Variants in HRG observed in about 807,000 individuals in gnomAD.
The protein encoded by HRG is histidine-rich glycoprotein.
Under a neutral mutation model 29.5 loss-of-function variants are expected in HRG, and 26 were observed. That is an observed-to-expected ratio of 0.88 (90% CI 0.65 to 1.22). HRG has a LOEUF of 1.22. Ranked by LOEUF, HRG falls within the 50% of genes most tolerant of loss-of-function variation. The pLI is 0.00. For missense variants in HRG, 671 were observed against 654.5 expected (o/e 1.03, Z -0.28); for synonymous variants, 243 against 240.4 (o/e 1.01, Z -0.10).
In HRG at chr3:186,671,619, C is replaced by T; in HGVS notation, c.392-4C>T. ...ACTGTGACACTGCTATCTTCTTTCT[C>T]CAGTCTCTTCAGCACTGGCCAATAC... On this transcript the variant is annotated splice_polypyrimidine_tract_variant and splice_region_variant and intron_variant, in intron 3 of 6. Transcript: ENST00000232003. The T allele has an allele frequency of 6.2e-7, 1 of 1,613,734 alleles. No individual in the cohort carries two copies. Among genetic ancestry groups the T allele is most frequent in the Non-Finnish European group, 8.5e-7 (1 of 1,179,646 alleles).
intron 6 of HRG, 43 bp from the exon 7 acceptor site, chr3:186,677,004 T>G (rs1403998613): frequency 6.2e-7 from 1 of 1,611,568 alleles, no homozygotes; most frequent in South Asian, 1.1e-5. Context: ...ACATCTTCTT[T>G]TATGTTACAT....
In HRG at chr3:186,678,100, T is replaced by A. The variant is rs1209709918; in HGVS notation, c.*217T>A. On this transcript the variant is annotated 3_prime_UTR_variant, in exon 7 of 7. Transcript: ENST00000232003. Reference sequence around the variant, plus strand: ...GCCTATTAGTAGTTAATTCTGTCACTCACCACTACATCACTTGAGACAAAT... The same window carrying A: ...GCCTATTAGTAGTTAATTCTGTCACACACCACTACATCACTTGAGACAAAT... 1 of 542,524 alleles carries A rather than the reference T, an allele frequency of 1.8e-6. No homozygotes were observed. Among genetic ancestry groups the A allele is most frequent in the Non-Finnish European group, 3.3e-6 (1 of 303,396 alleles). The allele number at this position is 542,524 out of a possible 1,614,324, so 33.6% of individuals were successfully genotyped here.
At chr3:186,670,049 G>T (rs1019269933) in intron 3 of HRG, 21 bp downstream of exon 3, 3 of 1,225,462 alleles carry the variant, frequency 2.4e-6, no homozygotes, top group Non-Finnish European at 3.6e-6. Flanking sequence ...CTGTTAAATT[G>T]CTAATTAATT....
chr3:186,676,280 A>G (rs946828358), intron 6 of HRG, among the ~76,000 whole-genome samples: 1 of 152,134 alleles, frequency 6.6e-6, no homozygotes, highest in Non-Finnish European at 1.5e-5. Flanking sequence ...TCAGTTAAGA[A>G]TATCAGTTAT....
chr3:186,667,731 G>A (rs1253466133), intron 1 of HRG, among the ~76,000 whole-genome samples: 2 of 152,040 alleles, frequency 1.3e-5, no homozygotes, highest in Admixed American at 6.6e-5. Flanking sequence ...AGGGTGTTAG[G>A]GAGCCATTGA....
At chr3:186,676,794 C>G (rs1399614195) in intron 6 of HRG, among the ~76,000 whole-genome samples, 1 of 151,572 alleles carries the variant, frequency 6.6e-6, no homozygotes, top group African/African-American at 2.4e-5. Context: ...GACTGGGTGA[C>G]AGAGCGAGAC....
chr3:186,672,337 A>C (rs114932239), intron 4 of HRG, among the ~76,000 whole-genome samples: 1 of 152,228 alleles, frequency 6.6e-6, no homozygotes, highest in Non-Finnish European at 1.5e-5. Context: ...TGCTCAAAGA[A>C]TGTTTGGACC....
rs550059701 is a variant in HRG at position 186,668,515 on chromosome 3, G to C, written c.184-420G>C. 11 of 200,738 alleles carry C rather than the reference G, an allele frequency of 5.5e-5. No homozygotes were observed. In the East Asian group the frequency reaches 1.2e-3, roughly 22 times the overall value. The allele number at this position is 200,738 out of a possible 1,614,324, so 12.4% of individuals were successfully genotyped here. A position where few individuals can be genotyped will look rare whatever the true frequency, so the allele number is the denominator to read the frequency against. On this transcript the variant is annotated intron_variant, in intron 1 of 6. Transcript: ENST00000232003. ...GGCAGCTAGTTTGTAAGAGAAGAGA[G>C]AGGATTTAGCTTTGGGCAAAGCAAC...
Position 186,675,163 on chromosome 3 carries a change from C to G in HRG, c.714C>G (p.Val238=), listed in dbSNP as rs775763558. 1 of 1,613,614 alleles carries G rather than the reference C, an allele frequency of 6.2e-7. No homozygotes were observed. Among genetic ancestry groups the G allele is most frequent in the Non-Finnish European group, 8.5e-7 (1 of 1,179,570 alleles). Residue 238 remains valine, a synonymous_variant, in exon 6 of 7, where the codon GTC becomes GTG. Coordinates refer to ENST00000232003, the MANE Select transcript of HRG (RefSeq NM_000412.5). ...ALDLESPKNL[V]INCEVFDPQE... is the part of the protein sequence containing the mutation. Reference sequence around the variant, plus strand: ...ACTTGGAAAGCCCGAAAAACCTTGTCATAAACTGTGAAGTCTTCGACCCTC... The same window carrying G: ...ACTTGGAAAGCCCGAAAAACCTTGTGATAAACTGTGAAGTCTTCGACCCTC...
intron 6 of HRG, among the ~76,000 whole-genome samples, chr3:186,676,664 T>A (rs1579081605): frequency 6.7e-6 from 1 of 149,904 alleles, no homozygotes; most frequent in East Asian, 2.0e-4. Flanking sequence ...AAAAAAAAAA[T>A]TAGGTGGGCA....
At position 186,677,419 on chromosome 3, in the gene HRG, C is replaced by T; in HGVS notation, c.1114C>T (p.His372Tyr). 1 of 1,605,552 alleles carries T rather than the reference C, an allele frequency of 6.2e-7. No homozygotes were observed. Among genetic ancestry groups the T allele is most frequent in the Non-Finnish European group, 8.5e-7 (1 of 1,175,760 alleles). Residue 372 changes from histidine (H) to tyrosine (Y), a missense_variant, in exon 7 of 7, where the codon CAT becomes TAT. Coordinates refer to ENST00000232003, the MANE Select transcript of HRG (RefSeq NM_000412.5). ...ACACCATCCCCATGCACACCATCCT[C>T]ATGAACATGATACCCATAGACAGCA... Reference protein sequence around the residue: ...HGHHPHAHHPHEHDTHRQHPH... With the variant: ...HGHHPHAHHPYEHDTHRQHPH...
chr3:186,670,641 G>A (rs1025296784), intron 3 of HRG, among the ~76,000 whole-genome samples: 11 of 151,282 alleles, frequency 7.3e-5, no homozygotes, highest in African/African-American at 2.2e-4. Context: ...TCCACCTCCC[G>A]GGTTCAAGCA....
intron 5 of HRG, 136 bp downstream of exon 5, chr3:186,673,003 A>C: frequency 1.4e-6 from 1 of 716,328 alleles, no homozygotes; most frequent in East Asian, 2.7e-5. Flanking sequence ...GAGGAGGAGG[A>C]GAAGGAGGAA....
chr3:186,666,419 G>A (rs996826255), intron 1 of HRG, among the ~76,000 whole-genome samples: 1 of 152,106 alleles, frequency 6.6e-6, no homozygotes, highest in Non-Finnish European at 1.5e-5. Flanking sequence ...TCGATTTGTG[G>A]GTACATATAA....
At chr3:186,674,123 T>C (rs1045955621) in intron 5 of HRG, 3 of 152,100 alleles carry the variant, frequency 2.0e-5, no homozygotes, top group Non-Finnish European at 4.4e-5. Flanking sequence ...CATTAGTACC[T>C]TTGTTAGCTC....
At chr3:186,676,132 G>A (rs889545150) in intron 6 of HRG, among the ~76,000 whole-genome samples, 17 of 152,092 alleles carry the variant, frequency 1.1e-4, no homozygotes, top group Admixed American at 1.0e-3. Context: ...GCCTCCCAAA[G>A]TTCTGGGATT....
intron 4 of HRG, among the ~76,000 whole-genome samples, chr3:186,672,102 A>G (rs1718818936): frequency 6.6e-6 from 1 of 152,138 alleles, no homozygotes; most frequent in African/African-American, 2.4e-5. Flanking sequence ...ATCCAATACT[A>G]ACATTCTTGT....
chr3:186,668,045 T>C (rs1718667183), intron 1 of HRG, among the ~76,000 whole-genome samples: 1 of 152,174 alleles, frequency 6.6e-6, no homozygotes, highest in Admixed American at 6.5e-5. Flanking sequence ...CACTGTGGGT[T>C]GCAGAGAACA....
rs116112861 is a variant in HRG, at chr3:186,673,452, A to T, written c.639+585A>T. The T allele has an allele frequency of 6.0e-3, 986 of 165,584 alleles. 9 individuals are homozygous for T. The highest frequency in any genetic ancestry group is 0.023 in the African/African-American group (942 of 41,766). 10.3% of individuals were successfully genotyped at this position (165,584 alleles called of 1,614,324 possible). A position where few individuals can be genotyped will look rare whatever the true frequency, so the allele number is the denominator to read the frequency against. ...ACCCTCACACTACCATATGAGATAG[A>T]TACCATTTTTAATCCCAAATTAGCA... On this transcript the variant is annotated intron_variant, in intron 5 of 6. Transcript: ENST00000232003.
Sources: gnomAD v4.1 joint callset for allele counts (sites outside exome capture counted in the v4.1 genomes callset) on GRCh38, gnomAD v4.1.1 for gene constraint, MANE v1.5 for transcripts, NCBI Gene and HGNC (gene_info 2026-07-23, HGNC 2026-07-21) for gene names.